The following NRG3 variants were observed in gnomAD, a reference collection of about 807,000 sequenced individuals.
The protein encoded by NRG3 is neuregulin 3, also known as pro-neuregulin-3, membrane-bound isoform.
NRG3 carries 31 observed loss-of-function variants against 66.9 expected under a neutral mutation model. The observed-to-expected ratio is 0.46, with a 90% CI of 0.35 to 0.63. The LOEUF (loss-of-function observed/expected upper bound fraction) is 0.63, where lower values mean the gene tolerates loss of function less well. Among genes scored for constraint, NRG3 ranks in the 20% least tolerant of loss-of-function variants. NRG3 has a pLI of 0.00. For synonymous variants in NRG3, 393 were observed against 359.4 expected (o/e 1.09, Z -1.06); for missense variants, 910 against 878.9 (o/e 1.04, Z -0.45).
chr10:81,989,312 G>T (rs2060645670), intron 1 of NRG3, among the ~76,000 whole-genome samples: 1 of 152,080 alleles, frequency 6.6e-6, no homozygotes, highest in African/African-American at 2.4e-5. Context: ...TCAGTCTATA[G>T]ATAGTTAGAG....
chr10:82,398,450 T>C (rs1446484971), intron 2 of NRG3, among the ~76,000 whole-genome samples: 1 of 151,622 alleles, frequency 6.6e-6, no homozygotes, highest in African/African-American at 2.4e-5. Context: ...TCAAACAACT[T>C]TGGTTCCAAC....
chr10:82,411,590 T>C (rs1384638370), intron 2 of NRG3, among the ~76,000 whole-genome samples: 4 of 152,158 alleles, frequency 2.6e-5, no homozygotes, highest in African/African-American at 9.6e-5. Flanking sequence ...CAGCCTAATC[T>C]TTGGACTCTG....
chr10:82,495,212 G>A (rs1843509310), intron 2 of NRG3, among the ~76,000 whole-genome samples: 1 of 152,112 alleles, frequency 6.6e-6, no homozygotes, highest in Admixed American at 6.5e-5. Context: ...TGGGATTACA[G>A]GCGTGAGCCA....
intron 6 of NRG3, among the ~76,000 whole-genome samples, chr10:82,971,414 G>T (rs187099948): frequency 6.7e-6 from 1 of 149,704 alleles, no homozygotes; most frequent in Non-Finnish European, 1.5e-5. Flanking sequence ...TATAATTTTC[G>T]TGACTAGTTG....
chr10:82,098,391 A>G (rs2066510497), intron 1 of NRG3, among the ~76,000 whole-genome samples: 1 of 152,068 alleles, frequency 6.6e-6, no homozygotes, highest in Middle Eastern at 3.4e-3. Flanking sequence ...GGCTTTCTGG[A>G]GCAGAAAAGC....
intron 1 of NRG3, among the ~76,000 whole-genome samples, chr10:82,337,121 AG>A (rs1201732212): frequency 1.3e-5 from 2 of 152,198 alleles, no homozygotes; most frequent in East Asian, 3.9e-4. Context: ...AACATAAAAA[AG>A]GGTTTATAGG....
chr10:82,731,382 A>AAAAAG lies in NRG3; in HGVS notation c.954-7190_954-7186dup, dbSNP rs1565252260. Among the ~76,000 whole-genome samples the AAAAAG allele has an allele frequency of 2.8e-4, 41 of 145,944 alleles. 8 individuals are homozygous for AAAAAG. The highest frequency in any genetic ancestry group is 1.8e-4 in the Non-Finnish European group (12 of 66,516). On this transcript the variant is annotated intron_variant, in intron 2 of 8. Coordinates refer to ENST00000372141, the MANE Select transcript of NRG3 (RefSeq NM_001010848.4). ...ACTCTGTCTCAAAAAAAAAAAAAAA[A>AAAAAG]AAAAGAAAATGTCATTAGTCTTTGA...
intron 3 of NRG3, among the ~76,000 whole-genome samples, chr10:82,767,397 C>T (rs917767125): frequency 3.3e-5 from 5 of 152,074 alleles, no homozygotes; most frequent in African/African-American, 9.7e-5. Flanking sequence ...CTGAGTATTT[C>T]TAGAGTGTCT....
chr10:82,966,889 T>A (rs1851257576), intron 6 of NRG3, among the ~76,000 whole-genome samples: 1 of 152,126 alleles, frequency 6.6e-6, no homozygotes, highest in Non-Finnish European at 1.5e-5. Context: ...TATGTCATTT[T>A]AACATTATGT....
intron 2 of NRG3, among the ~76,000 whole-genome samples, chr10:82,444,101 G>A (rs1352649956): frequency 6.6e-6 from 1 of 152,080 alleles, no homozygotes; most frequent in Non-Finnish European, 1.5e-5. Context: ...AAAATTTGTT[G>A]TTTGTTTGTT....
chr10:82,921,364 GT>G (rs367916905), intron 4 of NRG3, among the ~76,000 whole-genome samples: 44 of 152,270 alleles, frequency 2.9e-4, no homozygotes, highest in African/African-American at 9.9e-4. Flanking sequence ...ACTATTAAAT[GT>G]GATGTGGCAT....
At chr10:82,396,968 A>C (rs532156608) in intron 2 of NRG3, among the ~76,000 whole-genome samples, 1 of 152,306 alleles carries the variant, frequency 6.6e-6, no homozygotes, top group Admixed American at 6.5e-5. Flanking sequence ...TCTGTTTCCA[A>C]ATCACAGGCT....
chr10:81,876,480 G>A (rs1165283446), intron 1 of NRG3, among the ~76,000 whole-genome samples: 1 of 152,138 alleles, frequency 6.6e-6, no homozygotes, highest in Non-Finnish European at 1.5e-5. Context: ...CCTCCTCACT[G>A]CAGACCTGCT....
intron 2 of NRG3, among the ~76,000 whole-genome samples, chr10:82,687,197 A>C (rs1196135061): frequency 6.6e-6 from 1 of 152,184 alleles, no homozygotes; most frequent in Non-Finnish European, 1.5e-5. Flanking sequence ...TTCAAAATGT[A>C]CTTTTCCCTG....
At chr10:82,040,654 G>A (rs2062992121) in intron 1 of NRG3, among the ~76,000 whole-genome samples, 1 of 151,884 alleles carries the variant, frequency 6.6e-6, no homozygotes, top group Non-Finnish European at 1.5e-5. Context: ...AGAGATGCAT[G>A]GAGAAGATAA....
chr10:82,780,340 G>C (rs1247991545), intron 3 of NRG3, among the ~76,000 whole-genome samples: 5 of 152,152 alleles, frequency 3.3e-5, no homozygotes, highest in Admixed American at 3.3e-4. Context: ...CCCACCCACA[G>C]TGTAAAAGTG....
At chr10:82,555,641 C>G (rs1163952135) in intron 2 of NRG3, among the ~76,000 whole-genome samples, 1 of 152,156 alleles carries the variant, frequency 6.6e-6, no homozygotes, top group African/African-American at 2.4e-5. Context: ...TTTTGCCCTT[C>G]TGTTAAAATT....
At chr10:82,415,698 G>T (rs1464117379) in intron 2 of NRG3, among the ~76,000 whole-genome samples, 1 of 152,112 alleles carries the variant, frequency 6.6e-6, no homozygotes, top group Non-Finnish European at 1.5e-5. Context: ...GAGAATACTT[G>T]TTTTCGTTCT....
intron 1 of NRG3, among the ~76,000 whole-genome samples, chr10:82,058,284 C>A (rs1397267519): frequency 6.6e-6 from 1 of 151,776 alleles, no homozygotes; most frequent in African/African-American, 2.4e-5. Context: ...GATAAAAGTG[C>A]TGTGTTTTTC....
Sources: gnomAD v4.1 joint callset for allele counts (sites outside exome capture counted in the v4.1 genomes callset) on GRCh38, gnomAD v4.1.1 for gene constraint, MANE v1.5 for transcripts, NCBI Gene and HGNC (gene_info 2026-07-23, HGNC 2026-07-21) for gene names.